TXNDC11: variants seen among roughly 807,000 people sequenced by gnomAD.
TXNDC11 encodes the protein thioredoxin domain-containing protein 11.
In TXNDC11, 68 loss-of-function variants were observed where a neutral mutation model predicts 78.0. The observed-to-expected ratio is 0.87, with a 90% confidence interval of 0.72 to 1.07. TXNDC11 has a LOEUF of 1.07. TXNDC11 is among the 50% of genes least tolerant of loss of function. The pLI, the probability that TXNDC11 is intolerant of heterozygous loss-of-function variation, is 0.00. For synonymous variants in TXNDC11, 571 were observed against 495.2 expected (o/e 1.15, Z -2.03); for missense variants, 1,389 against 1,221.8 (o/e 1.14, Z -2.04).
chr16:11,730,543 G>A (rs964830288), intron 4 of TXNDC11, 102 bp downstream of exon 4: 7 of 1,240,772 alleles, frequency 5.6e-6, no homozygotes, highest in Admixed American at 2.0e-5. Flanking sequence ...TTTACTTGCT[G>A]CAATTCAGGA....
At chr16:11,739,619 C>T (rs1411149849) in intron 1 of TXNDC11, among the ~76,000 whole-genome samples, 1 of 152,136 alleles carries the variant, frequency 6.6e-6, no homozygotes, top group East Asian at 1.9e-4. Context: ...TTTGAAATTA[C>T]AAAATGGAAT....
intron 3 of TXNDC11, among the ~76,000 whole-genome samples, chr16:11,731,467 C>T (rs116635927): frequency 6.6e-6 from 1 of 152,152 alleles, no homozygotes; most frequent in African/African-American, 2.4e-5. Flanking sequence ...AGAATTCTCA[C>T]GTGCCTCTCT....
intron 4 of TXNDC11, among the ~76,000 whole-genome samples, chr16:11,726,242 G>C (rs1040322461): frequency 6.6e-6 from 1 of 151,942 alleles, no homozygotes. Context: ...GATATTGGTA[G>C]GTCTGAGATA....
chr16:11,707,300 T>C (rs2051210330), intron 5 of TXNDC11, among the ~76,000 whole-genome samples: 1 of 150,586 alleles, frequency 6.6e-6, no homozygotes. Flanking sequence ...GCGCCTGTAG[T>C]CCCAGCTATT....
chr16:11,725,634 G>A (rs148574277), intron 4 of TXNDC11, among the ~76,000 whole-genome samples: 5 of 152,262 alleles, frequency 3.3e-5, no homozygotes, highest in African/African-American at 1.2e-4. Flanking sequence ...CTGTTGGAAG[G>A]ATCCACAGTT....
chr16:11,679,603 C>G lies in TXNDC11; in HGVS notation c.2469G>C (p.Gln823His), dbSNP rs2050365731. ...GGGCACTGGAGAGCTGGGACTCCAC[C>G]TGCACTTGTGCTCGCTGGAGGCTGC... ...EISSLQRAQVQVESQLSSARR... is the reference protein window; with the variant it reads ...EISSLQRAQVHVESQLSSARR... Residue 823 changes from glutamine (Q) to histidine (H), a missense_variant, in exon 12 of 12, where the codon CAG becomes CAC. Coordinates refer to ENST00000283033, the MANE Select transcript of TXNDC11 (RefSeq NM_015914.7). The surrounding 1 kb of genome is among the most constrained non-coding windows in gnomAD (Gnocchi z 4.6). The G allele has an allele frequency of 6.2e-7, 1 of 1,614,222 alleles. No homozygotes were observed. The highest frequency in any genetic ancestry group is 8.5e-7 in the Non-Finnish European group (1 of 1,180,042).
chr16:11,691,927 G>C lies in TXNDC11; in HGVS notation c.1263C>G (p.Ser421=). 1 of 1,612,906 alleles carries C rather than the reference G, an allele frequency of 6.2e-7. No individual in the cohort carries two copies. The highest frequency in any genetic ancestry group is 8.5e-7 in the Non-Finnish European group (1 of 1,178,892). ...QLPDPPTITA[S]PCCNTVVLPQ... is the part of the protein sequence containing the mutation. ...GCAGCACCACAGTGTTGCAGCAGGGGGACGCTGTGATCGTTGGCGGGTCTG... is the reference window on the plus strand; with the variant it reads ...GCAGCACCACAGTGTTGCAGCAGGGCGACGCTGTGATCGTTGGCGGGTCTG... Residue 421 remains serine, a synonymous_variant, in exon 8 of 12, where the codon TCC becomes TCG. Coordinates refer to ENST00000283033, the MANE Select transcript of TXNDC11 (RefSeq NM_015914.7).
At chr16:11,713,263 A>G (rs1156949259) in intron 5 of TXNDC11, among the ~76,000 whole-genome samples, 2 of 149,672 alleles carry the variant, frequency 1.3e-5, no homozygotes, top group African/African-American at 5.0e-5. Context: ...GCCTGGGCAC[A>G]GAGTGAGACT....
intron 10 of TXNDC11, among the ~76,000 whole-genome samples, chr16:11,686,412 T>C (rs1258052774): frequency 3.3e-5 from 5 of 152,214 alleles, no homozygotes; most frequent in East Asian, 3.8e-4. Flanking sequence ...ATGTAAACAA[T>C]GCTATAATGA....
At chr16:11,726,579 C>CAAA (rs35512803) in intron 4 of TXNDC11, among the ~76,000 whole-genome samples, 9 of 82,982 alleles carry the variant, frequency 1.1e-4, no homozygotes, top group South Asian at 4.0e-4. Context: ...GACTCCACCT[C>CAAA]AAAAAAAAAA....
rs751935587 is a variant in TXNDC11 at position 11,742,722 on chromosome 16, T to C, written c.9A>G (p.Glu3=). The change falls in exon 1 of 12, where the codon GAA becomes GAG. Residue 3 remains glutamate, a synonymous_variant. Coordinates refer to ENST00000283033, the MANE Select transcript of TXNDC11 (RefSeq NM_015914.7). ...TGCTGCCGCCGCCGCGGCCTCCGCA[T>C]TCCGACATTACATGCTCCCAGTCGC... MS[E]CGGRGGGSSS... 2.0e-6 allele frequency: 3 copies of C among 1,482,456 alleles called. No individual in the cohort carries two copies. The highest frequency in any genetic ancestry group is 2.7e-6 in the Non-Finnish European group (3 of 1,126,164). The allele number at this position is 1,482,456 out of a possible 1,614,324, so 91.8% of individuals were successfully genotyped here. A position where few individuals can be genotyped will look rare whatever the true frequency, so the allele number is the denominator to read the frequency against.
chr16:11,715,562 A>T (rs143809065), intron 5 of TXNDC11, among the ~76,000 whole-genome samples: 1,542 of 152,200 alleles, frequency 0.01, 29 homozygotes, highest in African/African-American at 0.034. Context: ...AGGTAGTGAG[A>T]GGGGATCCAA....
chr16:11,728,806 C>G (rs2051958884), intron 4 of TXNDC11, among the ~76,000 whole-genome samples: 2 of 150,912 alleles, frequency 1.3e-5, no homozygotes, highest in South Asian at 4.2e-4. Flanking sequence ...AATAATCCAG[C>G]CTGGCCAACA....
chr16:11,717,973 G>C (rs929251235), intron 5 of TXNDC11, among the ~76,000 whole-genome samples: 1 of 150,618 alleles, frequency 6.6e-6, no homozygotes, highest in Non-Finnish European at 1.5e-5. Flanking sequence ...AACAACAAGA[G>C]AAGGCAGTTA....
At chr16:11,701,378 G>A (rs1364199693) in intron 5 of TXNDC11, among the ~76,000 whole-genome samples, 2 of 151,810 alleles carry the variant, frequency 1.3e-5, no homozygotes, top group Non-Finnish European at 2.9e-5. Context: ...CTCAAGTGAT[G>A]TGCCTGCCTC....
At chr16:11,723,291 A>G (rs954589638) in intron 4 of TXNDC11, among the ~76,000 whole-genome samples, 1 of 151,778 alleles carries the variant, frequency 6.6e-6, no homozygotes, top group Non-Finnish European at 1.5e-5. Flanking sequence ...AAAAAAAAAG[A>G]AACAGATTCT....
At position 11,742,688 on chromosome 16, in the gene TXNDC11, C is replaced by A. The variant is rs999683451; in HGVS notation, c.43G>T (p.Glu15Ter). Residue 15 changes from glutamate (E) to a stop codon, truncating the protein, a stop_gained, in exon 1 of 12, where the codon GAG (glutamate) becomes TAG (stop). Coordinates refer to ENST00000283033, the MANE Select transcript of TXNDC11 (RefSeq NM_015914.7). LOFTEE classifies it high-confidence loss of function. ...CCCCCTCCCTCGTCCTCGGCGTCCT[C>A]GCTGCTGCTGCTGCCGCCGCCGCGG... ...GGRGGGSSSS[E>*]DAEDEGGGGG... 2 of 1,477,958 alleles carry A rather than the reference C, an allele frequency of 1.4e-6. No homozygotes were observed. Among genetic ancestry groups the A allele is most frequent in the Non-Finnish European group, 1.8e-6 (2 of 1,122,212 alleles). 91.6% of individuals were successfully genotyped at this position (1,477,958 alleles called of 1,614,324 possible).
chr16:11,702,272 A>G (rs542765095), intron 5 of TXNDC11, among the ~76,000 whole-genome samples: 1 of 152,264 alleles, frequency 6.6e-6, no homozygotes. Context: ...GTGTGATTAT[A>G]AAGTATTTAG....
intron 5 of TXNDC11, among the ~76,000 whole-genome samples, chr16:11,705,957 T>C (rs887689211): frequency 1.3e-5 from 2 of 152,200 alleles, no homozygotes; most frequent in African/African-American, 4.8e-5. Context: ...GTCTTAGTCA[T>C]TTATAAAATG....
Sources: allele counts gnomAD v4.1 joint callset (sites outside exome capture counted in the v4.1 genomes callset), GRCh38; gene constraint gnomAD v4.1.1; non-coding constraint Gnocchi (gnomAD v3.1); transcripts MANE v1.5; gene names NCBI Gene and HGNC (gene_info 2026-07-23, HGNC 2026-07-21).